The following CDH10 variants were observed in gnomAD, a reference collection of about 807,000 sequenced individuals.
The protein encoded by CDH10 is cadherin 10.
Under a neutral mutation model 73.1 loss-of-function variants are expected in CDH10, and 30 were observed. The observed-to-expected ratio is 0.41, with a 90% CI of 0.31 to 0.56. CDH10 has a LOEUF of 0.56. Among genes scored for constraint, CDH10 ranks in the 20% least tolerant of loss-of-function variants. The probability of loss-of-function intolerance (pLI) is 0.27; values close to 1 mark genes in which losing one functional copy is unlikely to be tolerated. For synonymous variants in CDH10, 345 were observed against 348.2 expected (o/e 0.99, Z 0.10); for missense variants, 815 against 973.7 (o/e 0.84, Z 2.17).
chr5:24,639,861 T>C (rs1747988068), intron 1 of CDH10, among the ~76,000 whole-genome samples: 1 of 151,794 alleles, frequency 6.6e-6, no homozygotes, highest in Admixed American at 6.6e-5. Flanking sequence ...TTGAGCATAA[T>C]AATTCATGTC....
rs778995281 is a variant in CDH10, at chr5:24,487,948, C to A, written c.2082G>T (p.Thr694=). 1 of 1,613,884 alleles carries A rather than the reference C, an allele frequency of 6.2e-7. No individual in the cohort carries two copies. Among genetic ancestry groups the A allele is most frequent in the South Asian group, 1.1e-5 (1 of 91,070 alleles). The change falls in exon 12 of 12, where the codon ACG becomes ACT. Residue 694 remains threonine, a synonymous_variant. Transcript: ENST00000264463. ...KKLRRDIIPE[T]LFIPRRTPTA... ...TAGGAGTCCTCCGAGGAATAAATAACGTTTCTGGAATAATATCTCGCCGGA... is the reference window on the plus strand; with the variant it reads ...TAGGAGTCCTCCGAGGAATAAATAAAGTTTCTGGAATAATATCTCGCCGGA...
chr5:24,537,775 G>A, intron 2 of CDH10, 101 bp from the exon 3 acceptor site: 1 of 682,822 alleles, frequency 1.5e-6, no homozygotes, highest in Non-Finnish European at 2.4e-6. Flanking sequence ...CTGAGCAACG[G>A]GGTCGGCTAT....
intron 2 of CDH10, among the ~76,000 whole-genome samples, chr5:24,542,156 G>T (rs540145877): frequency 6.6e-6 from 1 of 152,172 alleles, no homozygotes; most frequent in East Asian, 1.9e-4. Flanking sequence ...GGGACTTACA[G>T]CCTATCTAGT....
intron 5 of CDH10, among the ~76,000 whole-genome samples, chr5:24,523,282 G>A (rs1471376173): frequency 3.9e-5 from 6 of 152,030 alleles, no homozygotes; most frequent in Non-Finnish European, 5.9e-5. Flanking sequence ...GAGTAATAAA[G>A]TTGTTATCTG....
At position 24,487,753 on chromosome 5, in the gene CDH10, G is replaced by A. The variant is rs2111600446; in HGVS notation, c.2277C>T (p.Asp759=). 1 of 1,613,690 alleles carries A rather than the reference G, an allele frequency of 6.2e-7. No individual in the cohort carries two copies. The highest frequency in any genetic ancestry group is 8.5e-7 in the Non-Finnish European group (1 of 1,179,840). Residue 759 remains aspartate, a synonymous_variant, in exon 12 of 12, where the codon GAC becomes GAT. Transcript: ENST00000264463. ...SSLESGTTEG[D]QNYDYLREWG... is the part of the protein sequence containing the mutation. ...ATTCTCGGAGGTAATCGTAGTTTTG[G>A]TCTCCTTCAGTAGTACCTGATTCTA...
chr5:24,638,753 C>CA (rs1233532949), intron 1 of CDH10, among the ~76,000 whole-genome samples: 2 of 151,318 alleles, frequency 1.3e-5, no homozygotes, highest in African/African-American at 4.8e-5. Context: ...AAGAAGAAGT[C>CA]AAAAAAGAAT....
intron 7 of CDH10, among the ~76,000 whole-genome samples, chr5:24,508,278 T>C (rs533569675): frequency 6.6e-5 from 10 of 152,332 alleles, no homozygotes; most frequent in African/African-American, 2.2e-4. Flanking sequence ...TTTAAAGTAA[T>C]AGAACAAGTG....
intron 9 of CDH10, among the ~76,000 whole-genome samples, chr5:24,494,345 T>C (rs1742183560): frequency 6.6e-6 from 1 of 151,966 alleles, no homozygotes; most frequent in Non-Finnish European, 1.5e-5. Flanking sequence ...TTCTTGTCTG[T>C]CAAATGTACT....
At chr5:24,571,828 C>T (rs897925123) in intron 2 of CDH10, among the ~76,000 whole-genome samples, 1 of 151,970 alleles carries the variant, frequency 6.6e-6, no homozygotes, top group Non-Finnish European at 1.5e-5. Context: ...GCACCATACC[C>T]GATTTAAAAC....
At chr5:24,603,295 A>G (rs987719916) in intron 1 of CDH10, among the ~76,000 whole-genome samples, 1 of 152,346 alleles carries the variant, frequency 6.6e-6, no homozygotes, top group East Asian at 1.9e-4. Context: ...TGTAGAATAT[A>G]AAGAATAAAA....
chr5:24,613,547 TG>T (rs1379391490), intron 1 of CDH10, among the ~76,000 whole-genome samples: 1 of 130,276 alleles, frequency 7.7e-6, no homozygotes, highest in Non-Finnish European at 1.6e-5. Context: ...AAAAAGGAAA[TG>T]ACAGCTTTTA....
chr5:24,494,107 G>A (rs1046924779), intron 9 of CDH10, among the ~76,000 whole-genome samples: 2 of 151,736 alleles, frequency 1.3e-5, no homozygotes, highest in Admixed American at 6.6e-5. Context: ...CTAGAAATAA[G>A]CAGCAAGAAA....
At chr5:24,540,044 AT>A (rs1371894803) in intron 2 of CDH10, among the ~76,000 whole-genome samples, 1 of 151,964 alleles carries the variant, frequency 6.6e-6, no homozygotes, top group East Asian at 1.9e-4. Context: ...ATATTTGCTT[AT>A]TCTCCTAAGA....
chr5:24,576,053 T>A (rs1361106305), intron 2 of CDH10, among the ~76,000 whole-genome samples: 1 of 152,170 alleles, frequency 6.6e-6, no homozygotes, highest in Non-Finnish European at 1.5e-5. Flanking sequence ...ATCGGTTTCC[T>A]ACAAACCTGC....
chr5:24,628,196 A>G (rs1747574639), intron 1 of CDH10, among the ~76,000 whole-genome samples: 1 of 152,196 alleles, frequency 6.6e-6, no homozygotes, highest in African/African-American at 2.4e-5. Context: ...CACATCAAAG[A>G]CTCATCAGTG....
chr5:24,498,284 G>A (rs1742364016), intron 9 of CDH10, 114 bp downstream of exon 9: 2 of 544,030 alleles, frequency 3.7e-6, no homozygotes, highest in Admixed American at 3.5e-5. Context: ...ATTATATTGG[G>A]ACTCTATATG....
chr5:24,505,011 T>C, intron 8 of CDH10, 101 bp downstream of exon 8: 1 of 838,166 alleles, frequency 1.2e-6, no homozygotes, highest in Non-Finnish European at 1.8e-6. Context: ...GAATGAATTA[T>C]TTTTAATGTA....
At chr5:24,640,342 A>C (rs1379597282) in intron 1 of CDH10, among the ~76,000 whole-genome samples, 1 of 151,646 alleles carries the variant, frequency 6.6e-6, no homozygotes, top group African/African-American at 2.4e-5. Flanking sequence ...TGACCTGCTA[A>C]ATTTATGGGG....
At position 24,612,321 on chromosome 5, in the gene CDH10, A is replaced by G. The variant is rs530333556; in HGVS notation, c.-123-18708T>C. 286 of 152,340 alleles carry G rather than the reference A, an allele frequency of 1.9e-3. 2 individuals carry two copies. Among genetic ancestry groups the G allele is most frequent in the African/African-American group, 6.5e-3 (271 of 41,588 alleles). 9.4% of individuals were successfully genotyped at this position (152,340 alleles called of 1,614,324 possible). A position where few individuals can be genotyped will look rare whatever the true frequency, so the allele number is the denominator to read the frequency against. On this transcript the variant is annotated intron_variant, in intron 1 of 11. Coordinates refer to ENST00000264463, the MANE Select transcript of CDH10 (RefSeq NM_006727.5). ...AGAATAGTTCCCTGAACTACAATAA[A>G]TGCCATAATCAGTGTGGTTTCAATT...
Sources: gnomAD v4.1 joint callset for allele counts (sites outside exome capture counted in the v4.1 genomes callset) on GRCh38, gnomAD v4.1.1 for gene constraint, MANE v1.5 for transcripts, NCBI Gene and HGNC (gene_info 2026-07-23, HGNC 2026-07-21) for gene names.